The following ANKRD36C variants were observed in gnomAD, a reference collection of about 807,000 sequenced individuals.
ANKRD36C encodes ankyrin repeat domain 36C, also known as ankyrin repeat domain-containing protein 36C.
Under a neutral mutation model 276.4 loss-of-function variants are expected in ANKRD36C, and 61 were observed. The observed-to-expected ratio is 0.22, with a 90% CI of 0.18 to 0.27. The LOEUF (loss-of-function observed/expected upper bound fraction) is 0.27, where lower values mean the gene tolerates loss of function less well. ANKRD36C is among the 10% of genes least tolerant of loss of function. The pLI is 1.00. For synonymous variants in ANKRD36C, 483 were observed against 680.1 expected, an observed-to-expected ratio of 0.71 and a Z score of 4.51; for missense variants, 1,447 against 2,032.3, an observed-to-expected ratio of 0.71 and a Z score of 5.54.
At position 95,914,024 on chromosome 2, in the gene ANKRD36C, C is replaced by T. The variant is rs1457591826; in HGVS notation, c.2551+84G>A. The T allele has an allele frequency of 1.3e-5, 17 of 1,355,188 alleles. 1 individual carries two copies. Among genetic ancestry groups the T allele is most frequent in the South Asian group, 1.0e-4 (8 of 77,526 alleles). The allele number at this position is 1,355,188 out of a possible 1,614,324, so 83.9% of individuals were successfully genotyped here. ...GCTGTATCAGAATGTGCAGCTTCAA[C>T]GAGCCCCCCGCTGATTTCTTCAGGG... is the stretch of plus-strand genomic sequence containing the variant. On this transcript the variant is annotated intron_variant, in intron 40 of 66. Transcript: ENST00000456556.
intron 42 of ANKRD36C, among the ~76,000 whole-genome samples, chr2:95,911,628 ACT>A (rs935112841): frequency 4.0e-5 from 6 of 151,512 alleles, no homozygotes; most frequent in African/African-American, 1.5e-4. Context: ...CAATTCAAAC[ACT>A]GTTTCCTGCT....
At chr2:95,963,759 T>A (rs1678510373) in intron 6 of ANKRD36C, among the ~76,000 whole-genome samples, 1 of 109,100 alleles carries the variant, frequency 9.2e-6, no homozygotes, top group South Asian at 3.1e-4. Flanking sequence ...AGGCTCCTAA[T>A]ATTCCTACAT....
At chr2:95,894,096 T>C (rs1432478833) in intron 44 of ANKRD36C, 2 of 303,350 alleles carry the variant, frequency 6.6e-6, no homozygotes, top group Non-Finnish European at 1.2e-5. Context: ...CCCACATTTC[T>C]TTCATGCAAC....
At chr2:95,923,466 A>G in intron 32 of ANKRD36C, 29 bp downstream of exon 32, 1 of 1,607,372 alleles carries the variant, frequency 6.2e-7, no homozygotes, top group Non-Finnish European at 8.5e-7. Context: ...TGGACTGAAC[A>G]TGACATTTAA....
intron 59 of ANKRD36C, among the ~76,000 whole-genome samples, chr2:95,874,371 G>A (rs1326172634): frequency 1.3e-5 from 2 of 152,098 alleles, no homozygotes; most frequent in Admixed American, 6.6e-5. Flanking sequence ...CAGAAATAAC[G>A]CCGCATATCT....
At chr2:95,967,493 T>C (rs1018943024) in intron 6 of ANKRD36C, among the ~76,000 whole-genome samples, 3 of 152,198 alleles carry the variant, frequency 2.0e-5, no homozygotes, top group Non-Finnish European at 2.9e-5. Flanking sequence ...AAACAACAGA[T>C]GCTGGAGCAG....
chr2:95,875,299 A>G (rs984996975), intron 59 of ANKRD36C, among the ~76,000 whole-genome samples: 12 of 152,038 alleles, frequency 7.9e-5, no homozygotes, highest in African/African-American at 2.9e-4. Context: ...AACAATGATA[A>G]CCTGGATTAA....
chr2:95,889,555 T>C (rs994015270), intron 48 of ANKRD36C, among the ~76,000 whole-genome samples: 9 of 151,536 alleles, frequency 5.9e-5, no homozygotes, highest in Admixed American at 5.9e-4. Flanking sequence ...CTGTTATGTG[T>C]TGAATTGCGG....
In ANKRD36C at chr2:95,922,094, C is replaced by T. The variant is rs189194205; in HGVS notation, c.2144-284G>A. Among the ~76,000 whole-genome samples the T allele has an allele frequency of 8.0e-3, 1,208 of 151,644 alleles. 14 individuals carry two copies. The highest frequency in any genetic ancestry group is 0.018 in the South Asian group (86 of 4,826). ...TCAAAAAGGGTATGCCAAGTGATCA[C>T]GACAAATGTGATCAAAAATCAGAGG... On this transcript the variant is annotated intron_variant, in intron 32 of 66. Transcript: ENST00000456556.
chr2:95,927,399 C>T, exon 27 of ANKRD36C: 3 of 1,605,952 alleles, frequency 1.9e-6, no homozygotes, highest in Non-Finnish European at 2.5e-6. Flanking sequence ...CTGGTTGTTT[C>T]TGAGAAGACA....
At chr2:95,972,268 T>A (rs563854040) in intron 6 of ANKRD36C, among the ~76,000 whole-genome samples, 1 of 152,202 alleles carries the variant, frequency 6.6e-6, no homozygotes, top group Non-Finnish European at 1.5e-5. Context: ...GCTTTTCTTC[T>A]GGAAGTGTGG....
chr2:95,928,961 T>C (rs1025623993), intron 26 of ANKRD36C, 111 bp downstream of exon 26: 39 of 1,516,962 alleles, frequency 2.6e-5, no homozygotes, highest in Admixed American at 5.7e-5. Context: ...ATCTCAGGCA[T>C]ACTGAATCAG....
downstream of ANKRD36C, among the ~76,000 whole-genome samples, chr2:95,850,387 T>C: frequency 6.6e-6 from 1 of 152,160 alleles, no homozygotes; most frequent in East Asian, 1.9e-4. Flanking sequence ...TTGGAAGACA[T>C]AGAAGGGATA....
chr2:95,921,768 G>A lies in ANKRD36C; in HGVS notation c.2172+14C>T, dbSNP rs764831252. The A allele has an allele frequency of 6.2e-6, 10 of 1,600,476 alleles. No individual in the cohort carries two copies. The highest frequency in any genetic ancestry group is 7.7e-6 in the Non-Finnish European group (9 of 1,175,356). On this transcript the variant is annotated intron_variant, in intron 33 of 66. Coordinates refer to ENST00000456556, the Ensembl canonical transcript of ANKRD36C. ...AGATTCACTAGTTCACAATATAAAT[G>A]AAAGTTTAATTACCTTCAAGGCTGG...
intron 6 of ANKRD36C, among the ~76,000 whole-genome samples, chr2:95,970,482 T>A (rs1439094517): frequency 6.6e-6 from 1 of 152,126 alleles, no homozygotes; most frequent in Non-Finnish European, 1.5e-5. Flanking sequence ...TACTTTCTAA[T>A]ATATAAAATA....
rs554051604 is a variant in ANKRD36C, at chr2:95,891,649, C to A, written c.2857+16G>T. ...ATCTGCACTGAACATGACATTAAATCTCTTTTCAAAATTACCTCTCCTAGT... is the reference window on the plus strand; with the variant it reads ...ATCTGCACTGAACATGACATTAAATATCTTTTCAAAATTACCTCTCCTAGT... On this transcript the variant is annotated intron_variant, in intron 46 of 66. Coordinates refer to ENST00000456556, the Ensembl canonical transcript of ANKRD36C. The A allele has an allele frequency of 9.0e-6, 14 of 1,548,692 alleles. No individual in the cohort carries two copies. The highest frequency in any genetic ancestry group is 8.3e-5 in the South Asian group (7 of 84,488).
intron 6 of ANKRD36C, among the ~76,000 whole-genome samples, chr2:95,973,848 C>A (rs1304074545): frequency 2.6e-5 from 4 of 151,886 alleles, no homozygotes; most frequent in Non-Finnish European, 5.9e-5. Flanking sequence ...TTGAGACTGG[C>A]CTGGGTAAGA....
intron 12 of ANKRD36C, among the ~76,000 whole-genome samples, chr2:95,958,118 C>A (rs1386916945): frequency 6.6e-6 from 1 of 152,228 alleles, no homozygotes; most frequent in Non-Finnish European, 1.5e-5. Context: ...CTTCTTCCTG[C>A]CTCACAATCC....
chr2:95,883,596 A>T (rs982866928), intron 54 of ANKRD36C, among the ~76,000 whole-genome samples: 3 of 152,072 alleles, frequency 2.0e-5, no homozygotes, highest in African/African-American at 7.2e-5. Flanking sequence ...AAAGCAGCCA[A>T]AATCAAATCT....
Sources: gnomAD v4.1 joint callset for allele counts (sites outside exome capture counted in the v4.1 genomes callset) on GRCh38, gnomAD v4.1.1 for gene constraint, MANE v1.5 for transcripts, NCBI Gene and HGNC (gene_info 2026-07-23, HGNC 2026-07-21) for gene names.